Variants in KIAA0586 observed in about 807,000 individuals in gnomAD.
KIAA0586 encodes protein TALPID3.
KIAA0586 carries 144 observed loss-of-function variants against 169.8 expected under a neutral mutation model. The ratio of observed to expected loss-of-function variants is 0.85; its 90% CI spans 0.74 to 0.97. The LOEUF (loss-of-function observed/expected upper bound fraction) is 0.97. KIAA0586 is among the 50% of genes least tolerant of loss of function. The pLI is 0.00. For synonymous variants in KIAA0586, 625 were observed against 612.4 expected, an observed-to-expected ratio of 1.02 and a Z score of -0.30; for missense variants, 1,854 against 1,823.0, an observed-to-expected ratio of 1.02 and a Z score of -0.31.
intron 9 of KIAA0586, among the ~76,000 whole-genome samples, chr14:58,454,890 T>C (rs1452680391): frequency 6.6e-6 from 1 of 152,214 alleles, no homozygotes; most frequent in African/African-American, 2.4e-5. Flanking sequence ...AGATGTTCTT[T>C]TTCTTTCAGC....
Position 58,548,927 on chromosome 14 carries a change from T to TA in KIAA0586, c.*996dup, listed in dbSNP as rs2047134061. ...AGCTGTTTCAGATTAATGGGTTTAA[T>TA]ACTTATTTTTGCAGAATAATGGACA... On this transcript the variant is annotated 3_prime_UTR_variant, in exon 31 of 31. Transcript: ENST00000652326. The TA allele has an allele frequency of 6.6e-6, 1 of 152,204 alleles. No individual in the cohort carries two copies. The highest frequency in any genetic ancestry group is 1.5e-5 in the Non-Finnish European group (1 of 68,030). The allele number at this position is 152,204 out of a possible 1,614,324, so 9.4% of individuals were successfully genotyped here. A position where few individuals can be genotyped will look rare whatever the true frequency, so the allele number is the denominator to read the frequency against.
intron 14 of KIAA0586, among the ~76,000 whole-genome samples, chr14:58,462,271 G>T (rs1444673190): frequency 6.0e-5 from 8 of 134,110 alleles, no homozygotes; most frequent in African/African-American, 2.3e-4. Flanking sequence ...TTTTTGAGAC[G>T]GAGTCTTGCT....
intron 26 of KIAA0586, among the ~76,000 whole-genome samples, chr14:58,496,011 G>T (rs1163278245): frequency 1.3e-5 from 2 of 151,998 alleles, no homozygotes; most frequent in Non-Finnish European, 2.9e-5. Flanking sequence ...GTGACATTTT[G>T]CATATTTTCT....
At chr14:58,452,421 A>G (rs2039464797) in intron 8 of KIAA0586, among the ~76,000 whole-genome samples, 1 of 152,234 alleles carries the variant, frequency 6.6e-6, no homozygotes, top group African/African-American at 2.4e-5. Flanking sequence ...AGACACATTT[A>G]AAGAATTTTA....
downstream of KIAA0586, among the ~76,000 whole-genome samples, chr14:58,552,192 A>G (rs1221880349): frequency 1.3e-5 from 2 of 152,206 alleles, no homozygotes; most frequent in Admixed American, 6.5e-5. Context: ...GCACTAGAGA[A>G]AAGCCAATTT....
chr14:58,547,684 G>GGGC, intron 30 of KIAA0586, 97 bp from the exon 31 acceptor site: 1 of 946,968 alleles, frequency 1.1e-6, no homozygotes, highest in Non-Finnish European at 1.6e-6. Flanking sequence ...TGGAATCCGC[G>GGGC]CCCCCCCACC....
chr14:58,538,200 A>C (rs1043973863), intron 29 of KIAA0586, among the ~76,000 whole-genome samples: 3 of 152,160 alleles, frequency 2.0e-5, no homozygotes, highest in African/African-American at 7.2e-5. Context: ...TTGTATGTTC[A>C]ATTTTGGTCT....
chr14:58,473,742 C>T (rs1748992), intron 18 of KIAA0586, among the ~76,000 whole-genome samples: 148,578 of 152,044 alleles, frequency 0.98, 72,683 homozygotes, highest in Non-Finnish European at 1. Context: ...CCCATCTCTA[C>T]CAAAAATACA....
intron 26 of KIAA0586, among the ~76,000 whole-genome samples, chr14:58,494,244 G>A (rs2043011151): frequency 6.7e-6 from 1 of 149,482 alleles, no homozygotes; most frequent in South Asian, 2.1e-4. Flanking sequence ...TCCCCAATCT[G>A]ATCTGCTAAC....
At chr14:58,448,592 TG>T in intron 7 of KIAA0586, 99 bp downstream of exon 7, 1 of 783,578 alleles carries the variant, frequency 1.3e-6, no homozygotes, top group Non-Finnish European at 1.8e-6. Flanking sequence ...TAGGAGTTTT[TG>T]TTTTATAAAA....
rs1212706793 is a variant in KIAA0586 at position 58,550,024 on chromosome 14, GA to G, written c.*2094del. ...GTTTCTTTTTTTTTTTTTTGAGATGGAATTTTGCTCGTTGCCCAGGCTGGAG... is the reference window on the plus strand; with the variant it reads ...GTTTCTTTTTTTTTTTTTTGAGATGGATTTTGCTCGTTGCCCAGGCTGGAG... On this transcript the variant is annotated 3_prime_UTR_variant, in exon 31 of 31. Transcript: ENST00000652326. 6.6e-6 allele frequency: 1 copy of G among 150,822 alleles called. No homozygotes were observed. Among genetic ancestry groups the G allele is most frequent in the African/African-American group, 2.4e-5 (1 of 41,030 alleles). 9.3% of individuals were successfully genotyped at this position (150,822 alleles called of 1,614,324 possible).
intron 26 of KIAA0586, among the ~76,000 whole-genome samples, chr14:58,494,506 A>G (rs1052193354): frequency 3.3e-5 from 5 of 151,546 alleles, no homozygotes; most frequent in Non-Finnish European, 7.4e-5. Context: ...GGGATCAACT[A>G]TTCTGTCTGA....
chr14:58,530,770 A>G (rs564149210), intron 29 of KIAA0586, among the ~76,000 whole-genome samples: 18 of 152,370 alleles, frequency 1.2e-4, no homozygotes, highest in African/African-American at 4.1e-4. Context: ...ACCATTCAGG[A>G]CATAGGCATG....
At chr14:58,465,101 T>C (rs1408632930) in intron 14 of KIAA0586, among the ~76,000 whole-genome samples, 1 of 152,172 alleles carries the variant, frequency 6.6e-6, no homozygotes, top group African/African-American at 2.4e-5. Flanking sequence ...TAAATACTTA[T>C]GAATTGTTTA....
rs1200579633 is a variant in KIAA0586 at position 58,490,224 on chromosome 14, A to G, written c.3842A>G (p.His1281Arg). 1 of 1,538,142 alleles carries G rather than the reference A, an allele frequency of 6.5e-7. No homozygotes were observed. Among genetic ancestry groups the G allele is most frequent in the Non-Finnish European group, 8.8e-7 (1 of 1,134,674 alleles). Reference protein sequence around the residue: ...NLNDSLSSTLHDAVEMEDDPP... With the variant: ...NLNDSLSSTLRDAVEMEDDPP... ...AATGATAGCTTATCCAGCACTCTGC[A>G]TGATGCCGTTGAAATGGTAAGTAAC... Residue 1281 changes from histidine to arginine, a missense_variant, in exon 25 of 31, where the codon CAT (histidine) becomes CGT (arginine). Physicochemically the swap from His to Arg is conservative, Grantham distance 29. Coordinates refer to ENST00000652326, the MANE Select transcript of KIAA0586 (RefSeq NM_001329943.3).
At position 58,482,617 on chromosome 14, in the gene KIAA0586, A is replaced by G; in HGVS notation, c.3049A>G (p.Ile1017Val). The stretch of plus-strand genomic sequence containing the variant: ...TGTTAACGAAGCTCTTGCTGAGACC[A>G]TTGCTGTCATGCTGGGTGACAGAGA... Reference protein sequence around the residue: ...HFVNEALAETIAVMLGDREAK... With the variant: ...HFVNEALAETVAVMLGDREAK... The change falls in exon 21 of 31, where the codon ATT (isoleucine) becomes GTT (valine). Residue 1017 changes from isoleucine to valine, a missense_variant. Physicochemically the swap from Ile to Val is conservative, Grantham distance 29 (BLOSUM62 3). Transcript: ENST00000652326. 1.2e-6 allele frequency: 2 copies of G among 1,609,526 alleles called. No homozygotes were observed. Among genetic ancestry groups the G allele is most frequent in the Non-Finnish European group, 8.5e-7 (1 of 1,177,534 alleles).
intron 29 of KIAA0586, among the ~76,000 whole-genome samples, chr14:58,532,242 G>C (rs1197446314): frequency 2.0e-5 from 3 of 152,012 alleles, no homozygotes; most frequent in African/African-American, 7.2e-5. Flanking sequence ...CAGCAGACAA[G>C]AGGAGGTAAA....
chr14:58,427,766 G>C lies in KIAA0586; in HGVS notation c.-499G>C. On this transcript the variant is annotated 5_prime_UTR_variant, in exon 1 of 31. Coordinates refer to ENST00000652326, the MANE Select transcript of KIAA0586 (RefSeq NM_001329943.3). ...GACGGTGCGGGTCTCGGGCGTTCTG[G>C]AGATACGTAGGGGTGAATTTATGTT... 5 of 1,530,406 alleles carry C rather than the reference G, an allele frequency of 3.3e-6. No homozygotes were observed. In the South Asian group the frequency reaches 4.8e-5, roughly 15 times the overall value. 94.8% of individuals were successfully genotyped at this position (1,530,406 alleles called of 1,614,324 possible).
intron 9 of KIAA0586, among the ~76,000 whole-genome samples, chr14:58,456,015 A>G (rs1218223362): frequency 8.5e-6 from 1 of 117,050 alleles, no homozygotes; most frequent in East Asian, 2.6e-4. Flanking sequence ...CGCTGCTGAG[A>G]TGTTAAACAA....
Sources: gnomAD v4.1 joint callset for allele counts (sites outside exome capture counted in the v4.1 genomes callset) on GRCh38, gnomAD v4.1.1 for gene constraint, MANE v1.5 for transcripts, NCBI Gene and HGNC (gene_info 2026-07-23, HGNC 2026-07-21) for gene names.